The following SHISA5 variants were observed in gnomAD, a reference collection of about 807,000 sequenced individuals.
SHISA5 encodes the protein shisa family member 5, also known as protein shisa-5.
A neutral mutation model predicts 27.5 loss-of-function variants in SHISA5; 21 were observed. The observed-to-expected ratio is 0.76, with a 90% confidence interval of 0.54 to 1.10. The LOEUF (loss-of-function observed/expected upper bound fraction) is 1.10. SHISA5 is among the 50% of genes least tolerant of loss of function. The pLI, the probability that SHISA5 is intolerant of heterozygous loss-of-function variation, is 0.00. For missense variants in SHISA5, 314 were observed against 336.3 expected (o/e 0.93, Z 0.52); for synonymous variants, 137 against 142.2 (o/e 0.96, Z 0.26).
intron 3 of SHISA5, among the ~76,000 whole-genome samples, chr3:48,475,993 G>A (rs2040814896): frequency 6.6e-6 from 1 of 152,214 alleles, no homozygotes; most frequent in African/African-American, 2.4e-5. Context: ...GGGCCAGGCA[G>A]ATGTGGGCCC....
intron 2 of SHISA5, among the ~76,000 whole-genome samples, chr3:48,496,659 G>A (rs761891386): frequency 5.3e-5 from 8 of 150,990 alleles, no homozygotes; most frequent in South Asian, 2.1e-4. Context: ...GCTTGAACCC[G>A]GGAGGCAGAG....
At chr3:48,474,911 T>C (rs896628617) in intron 3 of SHISA5, among the ~76,000 whole-genome samples, 4 of 152,120 alleles carry the variant, frequency 2.6e-5, no homozygotes, top group Non-Finnish European at 5.9e-5. Context: ...CTCCCCACCA[T>C]GCAGAAGAGG....
At chr3:48,487,558 GA>G (rs1163821180) in intron 2 of SHISA5, among the ~76,000 whole-genome samples, 1 of 152,008 alleles carries the variant, frequency 6.6e-6, no homozygotes, top group Non-Finnish European at 1.5e-5. Context: ...AAGTTTAATA[GA>G]TTTTTTTACT....
chr3:48,489,226 A>C (rs1250930590), intron 2 of SHISA5, among the ~76,000 whole-genome samples: 1 of 145,058 alleles, frequency 6.9e-6, no homozygotes. Context: ...CTCATCAGCT[A>C]TCATTAGTGT....
chr3:48,492,860 A>C (rs1398837718), intron 2 of SHISA5, among the ~76,000 whole-genome samples: 1 of 147,426 alleles, frequency 6.8e-6, no homozygotes, highest in East Asian at 1.9e-4. Context: ...CAGCCTCCAC[A>C]AACAGGGAAA....
At chr3:48,477,112 A>T (rs1216288458) in intron 3 of SHISA5, 1 of 438,742 alleles carries the variant, frequency 2.3e-6, no homozygotes, top group Non-Finnish European at 4.5e-6. Flanking sequence ...GAGAAAAAAA[A>T]AAAAAAAAGA....
At chr3:48,496,066 C>T (rs970651855) in intron 2 of SHISA5, among the ~76,000 whole-genome samples, 6 of 143,966 alleles carry the variant, frequency 4.2e-5, no homozygotes, top group Non-Finnish European at 8.9e-5. Flanking sequence ...GCAGGCGGAT[C>T]ACAAGGTCAG....
chr3:48,495,873 G>A lies in SHISA5; in HGVS notation c.233+5264C>T, dbSNP rs892106737. 9.5e-5 allele frequency among the ~76,000 whole-genome samples: 14 copies of A among 147,416 alleles called. 1 individual carries two copies. The highest frequency in any genetic ancestry group is 1.8e-4 in the Non-Finnish European group (12 of 67,862). ...CAATTAGAAAATAAAAATTGTGGCC[G>A]GGTGCAGTGGCTCACACCTGTAATC... On this transcript the variant is annotated intron_variant, in intron 2 of 5. Coordinates refer to ENST00000296444, the MANE Select transcript of SHISA5 (RefSeq NM_016479.6).
In SHISA5 at chr3:48,473,435, G is replaced by A. The variant is rs764720046; in HGVS notation, c.315-3592C>T. The A allele has an allele frequency of 3.1e-5, 40 of 1,299,960 alleles. No homozygotes were observed. The highest frequency in any genetic ancestry group is 5.3e-5 in the East Asian group (1 of 18,720). The allele number at this position is 1,299,960 out of a possible 1,614,324, so 80.5% of individuals were successfully genotyped here. A position where few individuals can be genotyped will look rare whatever the true frequency, so the allele number is the denominator to read the frequency against. On this transcript the variant is annotated intron_variant, in intron 3 of 5. Coordinates refer to ENST00000296444, the MANE Select transcript of SHISA5 (RefSeq NM_016479.6). The surrounding 1 kb of genome is among the most constrained non-coding windows in gnomAD (Gnocchi z 4.3). ...CACCCCCACTTCCACCTAACCCACC[G>A]GCCCTGTTCCACCAGCCTCCAGGAG...
In SHISA5 at chr3:48,470,912, GC is replaced by G. The variant is rs778097199; in HGVS notation, c.315-1070del. ...ATTGCACTCCAGCCTGGGGACAGGAGCAAAACTCTGTCTCAAAAATGAAAGA... is the reference window on the plus strand; with the variant it reads ...ATTGCACTCCAGCCTGGGGACAGGAGAAAACTCTGTCTCAAAAATGAAAGA... On this transcript the variant is annotated intron_variant, in intron 3 of 5. Transcript: ENST00000296444. This position sits in a 1 kb window ranked among gnomAD's most constrained non-coding sequence, Gnocchi z 4.3. 2.6e-5 allele frequency among the ~76,000 whole-genome samples: 4 copies of G among 151,436 alleles called. No individual in the cohort carries two copies. Among genetic ancestry groups the G allele is most frequent in the Middle Eastern group, 3.4e-3 (1 of 294 alleles).
intron 1 of SHISA5, chr3:48,503,206 C>G (rs989681978): frequency 1.6e-6 from 2 of 1,287,766 alleles, no homozygotes; most frequent in Non-Finnish European, 2.0e-6. Flanking sequence ...GAAGACACAC[C>G]GGTGAGGCTG....
chr3:48,502,983 G>C, intron 1 of SHISA5: 2 of 586,292 alleles, frequency 3.4e-6, no homozygotes, highest in Non-Finnish European at 5.5e-6. Flanking sequence ...ACTTTAGTGG[G>C]GAGTTGGGGG....
At position 48,469,316 on chromosome 3, in the gene SHISA5, A is replaced by G. The variant is rs757646930; in HGVS notation, c.643+45T>C. On this transcript the variant is annotated intron_variant, in intron 5 of 5. Transcript: ENST00000296444. This position sits in a 1 kb window ranked among gnomAD's most constrained non-coding sequence, Gnocchi z 4.6. ...ATGGGTGCCCGAGGGATGCTGGCAG[A>G]GACTCGGGAAGTCGGGCAGGGCTAG... 8.3e-6 allele frequency: 13 copies of G among 1,565,480 alleles called. No homozygotes were observed. In the Admixed American group the frequency reaches 2.3e-4, roughly 28 times the overall value.
chr3:48,498,236 GC>G (rs2041617590), intron 2 of SHISA5, among the ~76,000 whole-genome samples: 1 of 152,124 alleles, frequency 6.6e-6, no homozygotes, highest in Non-Finnish European at 1.5e-5. Context: ...CTATGAAAAA[GC>G]CACAGCTGAC....
chr3:48,499,685 TAA>T (rs1241215999), intron 2 of SHISA5, among the ~76,000 whole-genome samples: 5 of 106,138 alleles, frequency 4.7e-5, no homozygotes, highest in Non-Finnish European at 3.8e-5. Flanking sequence ...AGACTCTGTC[TAA>T]AAAAAAAAAA....
chr3:48,501,846 C>T (rs1214565211), intron 1 of SHISA5, among the ~76,000 whole-genome samples: 3 of 150,670 alleles, frequency 2.0e-5, no homozygotes, highest in African/African-American at 7.4e-5. Flanking sequence ...AGACACTGGA[C>T]TGTCCCTTTC....
At chr3:48,501,026 C>T in intron 2 of SHISA5, 111 bp downstream of exon 2, 1 of 1,260,178 alleles carries the variant, frequency 7.9e-7, no homozygotes, top group South Asian at 1.5e-5. Flanking sequence ...GCTCTGGCCA[C>T]CATCTTGAGA....
chr3:48,484,842 G>A (rs1202713920), intron 2 of SHISA5, among the ~76,000 whole-genome samples: 2 of 152,060 alleles, frequency 1.3e-5, no homozygotes, highest in African/African-American at 2.4e-5. Flanking sequence ...GCAGTGAGCC[G>A]AGATGGCGCC....
rs1560138347 is a variant in SHISA5 at position 48,504,095 on chromosome 3, G to A, written c.-1C>T. ...GCGGCGCGGGGACCGGCGCAGTCAT[G>A]GCTGGGCGGGCGGACGGGCGGACGG... On this transcript the variant is annotated 5_prime_UTR_variant, in exon 1 of 6. Transcript: ENST00000296444. This position sits in a 1 kb window ranked among gnomAD's most constrained non-coding sequence, Gnocchi z 4.0. 7.6e-7 allele frequency: 1 copy of A among 1,310,044 alleles called. No individual in the cohort carries two copies. The highest frequency in any genetic ancestry group is 9.8e-7 in the Non-Finnish European group (1 of 1,017,124). 81.2% of individuals were successfully genotyped at this position (1,310,044 alleles called of 1,614,324 possible).
Sources: allele counts gnomAD v4.1 joint callset (sites outside exome capture counted in the v4.1 genomes callset), GRCh38; gene constraint gnomAD v4.1.1; non-coding constraint Gnocchi (gnomAD v3.1); transcripts MANE v1.5; gene names NCBI Gene and HGNC (gene_info 2026-07-23, HGNC 2026-07-21).